CTNNA2: variants seen among roughly 807,000 people sequenced by gnomAD.
CTNNA2 encodes catenin alpha 2.
CTNNA2 carries 42 observed loss-of-function variants against 101.0 expected under a neutral mutation model. The ratio of observed to expected loss-of-function variants is 0.42; its 90% CI spans 0.32 to 0.54. CTNNA2 has a LOEUF of 0.54. Ranked by LOEUF, CTNNA2 falls within the 20% of genes least tolerant of loss-of-function variation. The pLI, the probability that CTNNA2 is intolerant of heterozygous loss-of-function variation, is 0.14. For missense variants in CTNNA2, 871 were observed against 1,223.1 expected, an observed-to-expected ratio of 0.71 and a Z score of 4.29; for synonymous variants, 450 against 456.4, an observed-to-expected ratio of 0.99 and a Z score of 0.18.
intron 7 of CTNNA2, among the ~76,000 whole-genome samples, chr2:80,262,129 C>G (rs979707850): frequency 2.0e-5 from 3 of 151,980 alleles, no homozygotes; most frequent in African/African-American, 7.3e-5. Context: ...ATCCTACCAC[C>G]TGGAAAGACC....
chr2:79,219,009 G>T (rs1466693949), intron 2 of CTNNA2, among the ~76,000 whole-genome samples: 1 of 151,896 alleles, frequency 6.6e-6, no homozygotes, highest in Non-Finnish European at 1.5e-5. Context: ...TCTATGCAAG[G>T]GTGTGTGTAT....
At chr2:79,596,850 A>C (rs1178337457) in intron 1 of CTNNA2, among the ~76,000 whole-genome samples, 2 of 152,164 alleles carry the variant, frequency 1.3e-5, no homozygotes, top group East Asian at 1.9e-4. Context: ...GTGCTCTGCT[A>C]TTCTCCAGGG....
chr2:79,656,941 T>C (rs13003014), intron 2 of CTNNA2, among the ~76,000 whole-genome samples: 1 of 151,706 alleles, frequency 6.6e-6, no homozygotes, highest in Non-Finnish European at 1.5e-5. Flanking sequence ...AGAAGATCCC[T>C]TCCTAACAAA....
At chr2:79,290,578 A>G (rs537751284) in intron 2 of CTNNA2, among the ~76,000 whole-genome samples, 1 of 152,280 alleles carries the variant, frequency 6.6e-6, no homozygotes, top group South Asian at 2.1e-4. Context: ...GTCGAGAGGA[A>G]CACACCAGCA....
rs779455644 is a variant in CTNNA2, at chr2:80,116,640, G to C, written c.1056+206843G>C. On this transcript the variant is annotated intron_variant, in intron 7 of 18. Transcript: ENST00000402739. ...TAGGGCATTAGAAATAGAGAAGAGA[G>C]CACCCTTGGGTGACAATGTGTTTAG... Among the ~76,000 whole-genome samples the C allele has an allele frequency of 3.2e-4, 49 of 152,226 alleles. 1 individual carries two copies. Among genetic ancestry groups the C allele is most frequent in the African/African-American group, 1.1e-3 (47 of 41,518 alleles).
At chr2:79,683,676 T>C (rs1264793090) in intron 2 of CTNNA2, among the ~76,000 whole-genome samples, 2 of 152,212 alleles carry the variant, frequency 1.3e-5, no homozygotes, top group Non-Finnish European at 2.9e-5. Flanking sequence ...TTAGTTCCCT[T>C]TGTTCACCTC....
At chr2:79,788,057 G>A (rs1558929819) in intron 3 of CTNNA2, among the ~76,000 whole-genome samples, 2 of 152,098 alleles carry the variant, frequency 1.3e-5, no homozygotes, top group Admixed American at 6.6e-5. Flanking sequence ...GGGTATGTCC[G>A]ACATGTGGAT....
intron 7 of CTNNA2, among the ~76,000 whole-genome samples, chr2:80,222,666 T>C (rs1371315128): frequency 6.6e-6 from 1 of 152,150 alleles, no homozygotes; most frequent in Non-Finnish European, 1.5e-5. Flanking sequence ...GGAAGCCAGG[T>C]GGGTGTACAA....
chr2:79,933,548 G>A (rs1027531279), intron 7 of CTNNA2, among the ~76,000 whole-genome samples: 2 of 151,356 alleles, frequency 1.3e-5, no homozygotes, highest in Admixed American at 6.6e-5. Context: ...TCTGCGTCCC[G>A]GGTTCATGCC....
chr2:80,332,539 T>C (rs1057335360), intron 7 of CTNNA2, among the ~76,000 whole-genome samples: 1 of 152,050 alleles, frequency 6.6e-6, no homozygotes, highest in Admixed American at 6.5e-5. Context: ...AAAAGCAAAA[T>C]TTATTAGTGA....
chr2:80,362,672 T>C (rs1674525223), intron 7 of CTNNA2, among the ~76,000 whole-genome samples: 1 of 152,092 alleles, frequency 6.6e-6, no homozygotes, highest in Non-Finnish European at 1.5e-5. Flanking sequence ...CCAAGAATCT[T>C]TTTGCAACAA....
At chr2:79,503,062 C>T (rs1368233989) in intron 4 of CTNNA2, among the ~76,000 whole-genome samples, 4 of 152,184 alleles carry the variant, frequency 2.6e-5, no homozygotes, top group Admixed American at 1.3e-4. Flanking sequence ...CGATATGGCA[C>T]TATTCCTTGG....
intron 6 of CTNNA2, among the ~76,000 whole-genome samples, chr2:79,898,191 T>C (rs1684842061): frequency 6.6e-6 from 1 of 152,128 alleles, no homozygotes; most frequent in South Asian, 2.1e-4. Flanking sequence ...TGGTGTGCAG[T>C]GGTGTGATCT....
chr2:79,587,293 A>G lies in CTNNA2; in HGVS notation c.-5-64259A>G, dbSNP rs148503740. Among the ~76,000 whole-genome samples, 615 of 152,184 alleles carry G rather than the reference A, an allele frequency of 4.0e-3. 4 individuals are homozygous for G. The highest frequency in any genetic ancestry group is 0.013 in the African/African-American group (555 of 41,522). On this transcript the variant is annotated intron_variant, in intron 1 of 18. Coordinates refer to ENST00000402739, the MANE Select transcript of CTNNA2 (RefSeq NM_001282597.3). ...CATATTTGAATTAATTTAATAGGAA[A>G]GCCTGAAAGAAACCGTGGGCTGAGT...
At chr2:79,444,951 G>GA (rs1307283895) in intron 4 of CTNNA2, among the ~76,000 whole-genome samples, 1 of 152,044 alleles carries the variant, frequency 6.6e-6, no homozygotes, top group Non-Finnish European at 1.5e-5. Flanking sequence ...AGAAGGGATT[G>GA]AAAAAAAGAA....
At chr2:80,205,489 C>A (rs1296034188) in intron 7 of CTNNA2, among the ~76,000 whole-genome samples, 2 of 152,298 alleles carry the variant, frequency 1.3e-5, no homozygotes, top group Admixed American at 6.5e-5. Context: ...AAAGGAAATT[C>A]ATTTCAGAAG....
At chr2:79,912,979 C>T (rs1685914334) in intron 7 of CTNNA2, among the ~76,000 whole-genome samples, 1 of 152,122 alleles carries the variant, frequency 6.6e-6, no homozygotes, top group African/African-American at 2.4e-5. Context: ...ATTCATTCAA[C>T]AAATGTGTAT....
chr2:79,446,176 C>T (rs1378103206), intron 4 of CTNNA2, among the ~76,000 whole-genome samples: 1 of 151,930 alleles, frequency 6.6e-6, no homozygotes, highest in Non-Finnish European at 1.5e-5. Flanking sequence ...TGTCTTGTTG[C>T]CTGTCACATC....
chr2:79,469,338 C>T (rs907729755), intron 4 of CTNNA2, among the ~76,000 whole-genome samples: 10 of 151,972 alleles, frequency 6.6e-5, no homozygotes, highest in Admixed American at 6.6e-4. Flanking sequence ...GGAAGAAGTT[C>T]AATCTCTGAA....
Sources: allele counts gnomAD v4.1 joint callset (sites outside exome capture counted in the v4.1 genomes callset), GRCh38; gene constraint gnomAD v4.1.1; transcripts MANE v1.5; gene names NCBI Gene and HGNC (gene_info 2026-07-23, HGNC 2026-07-21).